Variants in PVALB observed in about 807,000 individuals in gnomAD.
The protein encoded by PVALB is parvalbumin alpha.
Under a neutral mutation model 10.9 loss-of-function variants are expected in PVALB, and 11 were observed. The ratio of observed to expected loss-of-function variants is 1.01; its 90% CI spans 0.63 to 1.67. The LOEUF (loss-of-function observed/expected upper bound fraction) is 1.67. PVALB is among the 40% of genes most tolerant of loss of function. The pLI is 0.00. For missense variants in PVALB, 131 were observed against 136.2 expected, an observed-to-expected ratio of 0.96 and a Z score of 0.19; for synonymous variants, 57 against 50.7, an observed-to-expected ratio of 1.12 and a Z score of -0.53.
chr22:36,804,888 C>T (rs185977013), intron 3 of PVALB, among the ~76,000 whole-genome samples: 4 of 152,244 alleles, frequency 2.6e-5, no homozygotes, highest in African/African-American at 9.6e-5. Context: ...GAGCTAAGAT[C>T]ACACCACTGC....
intron 2 of PVALB, 57 bp downstream of exon 2, chr22:36,815,046 C>A: frequency 6.2e-7 from 1 of 1,602,610 alleles, no homozygotes; most frequent in East Asian, 2.2e-5. Context: ...AGAGTCCCAG[C>A]CCCCACTCCC....
chr22:36,814,852 A>G (rs1330507306), intron 2 of PVALB, among the ~76,000 whole-genome samples: 4 of 152,208 alleles, frequency 2.6e-5, no homozygotes, highest in Non-Finnish European at 4.4e-5. Flanking sequence ...TCCATTAGCA[A>G]TATTAAGTGG....
At chr22:36,807,271 T>C (rs6000427) in intron 3 of PVALB, among the ~76,000 whole-genome samples, 85 of 152,214 alleles carry the variant, frequency 5.6e-4, no homozygotes, top group African/African-American at 2.0e-3. Flanking sequence ...AGTTTTCAAG[T>C]CTCTCAGTGG....
chr22:36,815,195 G>A lies in PVALB; in HGVS notation c.102C>T (p.Val34=), dbSNP rs377039488. The change falls in exon 2 of 4, where the codon GTC becomes GTT. Residue 34 remains valine (V), a synonymous_variant. Transcript: ENST00000417718. The stretch of plus-strand genomic sequence containing the variant: ...CATCCGCACTCTTTTTCTTCAGGCC[G>A]ACCATTTGGAAGAACTTTTTGTGGT... ...SFDHKKFFQM[V]GLKKKSADDV... is the part of the protein sequence containing the mutation. 1.1e-5 allele frequency: 17 copies of A among 1,614,036 alleles called. No homozygotes were observed. Among genetic ancestry groups the A allele is most frequent in the Admixed American group, 3.3e-5 (2 of 60,004 alleles).
At chr22:36,814,444 C>A (rs915197304) in intron 2 of PVALB, among the ~76,000 whole-genome samples, 1 of 152,104 alleles carries the variant, frequency 6.6e-6, no homozygotes. Flanking sequence ...CTACACCCAC[C>A]CCCCGCTTCT....
At chr22:36,801,419 C>T (rs945846075) in intron 3 of PVALB, among the ~76,000 whole-genome samples, 1 of 152,168 alleles carries the variant, frequency 6.6e-6, no homozygotes, top group Non-Finnish European at 1.5e-5. Flanking sequence ...TTTGCTGCCA[C>T]GTGCCACTAC....
chr22:36,803,701 ATGGATGGATGGG>A (rs1251730091), intron 3 of PVALB, among the ~76,000 whole-genome samples: 1 of 87,354 alleles, frequency 1.1e-5, no homozygotes, highest in African/African-American at 6.0e-5. Flanking sequence ...GGATGGATGG[ATGGATGGATGGG>A]TGGGTGGTTG....
chr22:36,816,933 G>GCGCTTGCT lies in PVALB; in HGVS notation c.61+4_61+11dup, dbSNP rs758470237. On this transcript the variant is annotated intron_variant, in intron 1 of 3. Coordinates refer to ENST00000417718, the MANE Select transcript of PVALB (RefSeq NM_001315532.2). ...AGGGGAGAGGGATGGGGAGGGGAGC[G>GCGCTTGCT]CGCTTGCTCACCGCTAAAGGCTCCC... is the stretch of plus-strand genomic sequence containing the variant. 5.6e-6 allele frequency: 9 copies of GCGCTTGCT among 1,598,428 alleles called. No individual in the cohort carries two copies. In the African/African-American group the frequency reaches 1.2e-4, roughly 22 times the overall value.
chr22:36,810,993 T>C (rs1048219682), intron 3 of PVALB, among the ~76,000 whole-genome samples: 2 of 152,182 alleles, frequency 1.3e-5, no homozygotes, highest in African/African-American at 2.4e-5. Context: ...TGACATTGCA[T>C]GGCCGGGTGC....
chr22:36,806,602 T>C (rs1352441934), intron 3 of PVALB, among the ~76,000 whole-genome samples: 3 of 152,036 alleles, frequency 2.0e-5, no homozygotes, highest in Non-Finnish European at 4.4e-5. Context: ...CACCTCTAAA[T>C]AGCTCCCGGG....
chr22:36,808,985 G>A (rs1939005656), intron 3 of PVALB, among the ~76,000 whole-genome samples: 2 of 152,172 alleles, frequency 1.3e-5, no homozygotes, highest in African/African-American at 2.4e-5. Context: ...AGTTGCCCCA[G>A]AGACGGGAAT....
chr22:36,813,580 C>G (rs777430343), intron 3 of PVALB, 66 bp downstream of exon 3: 64 of 1,351,662 alleles, frequency 4.7e-5, no homozygotes, highest in Non-Finnish European at 6.7e-5. Flanking sequence ...GACATAGCTT[C>G]AAACTTTTCG....
chr22:36,809,483 G>A (rs1378875547), intron 3 of PVALB, among the ~76,000 whole-genome samples: 1 of 152,186 alleles, frequency 6.6e-6, no homozygotes, highest in Admixed American at 6.5e-5. Flanking sequence ...AGGCAGCACA[G>A]GTCACGTGCT....
intron 3 of PVALB, among the ~76,000 whole-genome samples, chr22:36,810,268 T>G (rs939209190): frequency 1.3e-4 from 20 of 152,356 alleles, no homozygotes; most frequent in African/African-American, 4.6e-4. Context: ...TGAAGGCATC[T>G]TCCAGCTATA....
At chr22:36,804,902 C>T (rs566637187) in intron 3 of PVALB, among the ~76,000 whole-genome samples, 1 of 152,286 alleles carries the variant, frequency 6.6e-6, no homozygotes, top group Non-Finnish European at 1.5e-5. Flanking sequence ...CCACTGCACT[C>T]CAGCCTGGGT....
intron 3 of PVALB, among the ~76,000 whole-genome samples, chr22:36,810,805 C>T (rs1413672742): frequency 6.6e-6 from 1 of 152,232 alleles, no homozygotes; most frequent in Non-Finnish European, 1.5e-5. Context: ...CCAAAAGTTT[C>T]CAGCCTTGGC....
Position 36,813,449 on chromosome 22 carries a change from GA to G in PVALB, c.304+196del, listed in dbSNP as rs1939078234. ...TATTCCTTTTAGGTTTTCAAATTAG[GA>G]AAATACACCAGTTTTCCTTTGTCTG... On this transcript the variant is annotated intron_variant, in intron 3 of 3. Coordinates refer to ENST00000417718, the MANE Select transcript of PVALB (RefSeq NM_001315532.2). 6 of 540,734 alleles carry G rather than the reference GA, an allele frequency of 1.1e-5. No individual in the cohort carries two copies. In the South Asian group the frequency reaches 1.2e-4, roughly 11 times the overall value. 33.5% of individuals were successfully genotyped at this position (540,734 alleles called of 1,614,324 possible).
At chr22:36,810,701 C>T (rs1201416391) in intron 3 of PVALB, among the ~76,000 whole-genome samples, 2 of 152,202 alleles carry the variant, frequency 1.3e-5, no homozygotes, top group Non-Finnish European at 2.9e-5. Context: ...GTAACCAAAC[C>T]CAGCACTAGG....
chr22:36,815,086 T>A lies in PVALB; in HGVS notation c.194+17A>T. Reference sequence around the variant, plus strand: ...GTGCAGCCGTGGGCTGGGCAGCCCCTGCAGGCCTCCGCTTACCCCAGCTCA... The same window carrying A: ...GTGCAGCCGTGGGCTGGGCAGCCCCAGCAGGCCTCCGCTTACCCCAGCTCA... On this transcript the variant is annotated intron_variant, in intron 2 of 3. Coordinates refer to ENST00000417718, the MANE Select transcript of PVALB (RefSeq NM_001315532.2). 6.2e-7 allele frequency: 1 copy of A among 1,613,768 alleles called. No homozygotes were observed. The highest frequency in any genetic ancestry group is 1.3e-5 in the African/African-American group (1 of 75,026).
Sources: gnomAD v4.1 joint callset for allele counts (sites outside exome capture counted in the v4.1 genomes callset) on GRCh38, gnomAD v4.1.1 for gene constraint, MANE v1.5 for transcripts, NCBI Gene and HGNC (gene_info 2026-07-23, HGNC 2026-07-21) for gene names.